Variants in SLCO2B1 observed in about 807,000 individuals in gnomAD.
The protein encoded by SLCO2B1 is OATP-RP2.
Under a neutral mutation model 67.3 loss-of-function variants are expected in SLCO2B1, and 41 were observed. That is an observed-to-expected ratio of 0.61 (90% confidence interval 0.47 to 0.79). The LOEUF (loss-of-function observed/expected upper bound fraction) is 0.79. Ranked by LOEUF, SLCO2B1 falls within the 30% of genes least tolerant of loss-of-function variation. SLCO2B1 has a pLI of 0.00. For missense variants in SLCO2B1, 837 were observed against 920.1 expected (o/e 0.91, Z 1.17); for synonymous variants, 379 against 381.4 (o/e 0.99, Z 0.07).
intron 9 of SLCO2B1, among the ~76,000 whole-genome samples, chr11:75,196,099 C>T (rs565371211): frequency 7.9e-5 from 12 of 152,300 alleles, no homozygotes; most frequent in African/African-American, 1.7e-4. Context: ...GGAGATCCCA[C>T]GGGTGGTCAG....
chr11:75,172,844 G>C (rs137872961), intron 7 of SLCO2B1, among the ~76,000 whole-genome samples: 1 of 151,854 alleles, frequency 6.6e-6, no homozygotes, highest in South Asian at 2.1e-4. Flanking sequence ...CAGAAGAATC[G>C]CTTGAACCTG....
At chr11:75,169,845 C>A in intron 6 of SLCO2B1, 81 bp downstream of exon 6, 2 of 1,158,564 alleles carry the variant, frequency 1.7e-6, no homozygotes, top group South Asian at 1.3e-5. Flanking sequence ...CAGGGGACCT[C>A]GGTTCAAATC....
Position 75,166,045 on chromosome 11 carries a change from C to T in SLCO2B1, c.448+96C>T, listed in dbSNP as rs535514032. 6.4e-6 allele frequency: 9 copies of T among 1,416,572 alleles called. No homozygotes were observed. The Admixed American group carries it at 1.4e-4, about 22-fold the overall frequency. 87.8% of individuals were successfully genotyped at this position (1,416,572 alleles called of 1,614,324 possible). A position where few individuals can be genotyped will look rare whatever the true frequency, so the allele number is the denominator to read the frequency against. On this transcript the variant is annotated intron_variant, in intron 4 of 13. Transcript: ENST00000289575. ...ACAGGCATTCATCTGGCAGGATACA[C>T]CCCAAAACCTCAACACCCCAGGACA...
At chr11:75,188,960 T>A (rs1944978410) in intron 8 of SLCO2B1, among the ~76,000 whole-genome samples, 2 of 152,266 alleles carry the variant, frequency 1.3e-5, no homozygotes. Context: ...TGGGAGGCCA[T>A]CGGGAAATTG....
chr11:75,157,632 A>T (rs1026307202), intron 1 of SLCO2B1, among the ~76,000 whole-genome samples: 8 of 152,082 alleles, frequency 5.3e-5, no homozygotes, highest in African/African-American at 7.2e-5. Flanking sequence ...AGGAAAAGAG[A>T]GCAAGGGCCA....
intron 7 of SLCO2B1, among the ~76,000 whole-genome samples, chr11:75,185,040 A>G (rs905221288): frequency 6.6e-6 from 1 of 152,210 alleles, no homozygotes; most frequent in Non-Finnish European, 1.5e-5. Flanking sequence ...GAAAGGGAAA[A>G]AAAGTCCAAG....
chr11:75,158,719 CAGAA>C (rs1310491870), intron 1 of SLCO2B1, among the ~76,000 whole-genome samples: 2 of 152,194 alleles, frequency 1.3e-5, no homozygotes, highest in Non-Finnish European at 2.9e-5. Flanking sequence ...AACTGAGGCT[CAGAA>C]AGCTCAGGGA....
Position 75,169,315 on chromosome 11 carries a change from C to G in SLCO2B1, c.591C>G (p.Thr197=). 6.2e-7 allele frequency: 1 copy of G among 1,614,152 alleles called. No homozygotes were observed. Among genetic ancestry groups the G allele is most frequent in the Non-Finnish European group, 8.5e-7 (1 of 1,180,012 alleles). ...SVVGIMFVAQ[T]LLGVGGVPIQ... is the part of the protein sequence containing the mutation. ...TGGGGATCATGTTCGTGGCACAGAC[C>G]CTGCTGGGCGTGGGCGGGGTGCCCA... The change falls in exon 5 of 14, where the codon ACC becomes ACG. Residue 197 remains threonine, a synonymous_variant. Coordinates refer to ENST00000289575, the MANE Select transcript of SLCO2B1 (RefSeq NM_007256.5).
intron 4 of SLCO2B1, among the ~76,000 whole-genome samples, chr11:75,167,920 G>C (rs1365465886): frequency 1.4e-5 from 2 of 144,562 alleles, no homozygotes; most frequent in Non-Finnish European, 3.0e-5. Context: ...TTGAGATGGA[G>C]TATCACTCTG....
chr11:75,172,817 T>C (rs1303195809), intron 7 of SLCO2B1, among the ~76,000 whole-genome samples: 1 of 151,940 alleles, frequency 6.6e-6, no homozygotes. Context: ...TAGTCCCAGC[T>C]ACTCAGGAGG....
intron 7 of SLCO2B1, among the ~76,000 whole-genome samples, chr11:75,182,122 C>T (rs7104200): frequency 0.038 from 5,710 of 152,260 alleles, 369 homozygotes; most frequent in African/African-American, 0.13. Flanking sequence ...CCTCCACCAC[C>T]GTGCCTCTGC....
At chr11:75,165,707 T>C (rs1035386222) in intron 3 of SLCO2B1, 80 bp from the exon 4 acceptor site, 3 of 1,432,552 alleles carry the variant, frequency 2.1e-6, no homozygotes, top group Admixed American at 1.9e-5. Flanking sequence ...ATACGGAAGT[T>C]AGACATAGAG....
chr11:75,175,738 G>C (rs1950015507), intron 7 of SLCO2B1, among the ~76,000 whole-genome samples: 1 of 152,190 alleles, frequency 6.6e-6, no homozygotes. Context: ...CAGGGGAAAA[G>C]AGGGGTGCAT....
intron 1 of SLCO2B1, among the ~76,000 whole-genome samples, chr11:75,153,714 G>T (rs1165781325): frequency 6.6e-6 from 1 of 152,188 alleles, no homozygotes; most frequent in Admixed American, 6.5e-5. Flanking sequence ...AGGAGCGGGG[G>T]TCACTGGGCA....
intron 7 of SLCO2B1, among the ~76,000 whole-genome samples, chr11:75,185,393 G>A (rs564488040): frequency 6.6e-6 from 1 of 152,120 alleles, no homozygotes; most frequent in South Asian, 2.1e-4. Context: ...TGGCATCCTG[G>A]CCCTGGACGT....
intron 2 of SLCO2B1, among the ~76,000 whole-genome samples, chr11:75,163,553 G>A (rs1949849376): frequency 6.6e-6 from 1 of 152,034 alleles, no homozygotes; most frequent in Non-Finnish European, 1.5e-5. Context: ...GCCCAGCCAA[G>A]GGGGGCTCTG....
chr11:75,198,733 G>A lies in SLCO2B1; in HGVS notation c.1600-1491G>A, dbSNP rs946698894. On this transcript the variant is annotated intron_variant, in intron 10 of 13. Transcript: ENST00000289575. ...CGTGTCTTGACATGTCTGCCTCCTT[G>A]GATTGTGAACATCTTGGCTCAGGGA... Among the ~76,000 whole-genome samples the A allele has an allele frequency of 2.0e-5, 3 of 152,310 alleles. No individual in the cohort carries two copies. The East Asian group carries it at 5.8e-4, about 29-fold the overall frequency.
At chr11:75,155,174 A>T (rs1416586185) in intron 1 of SLCO2B1, among the ~76,000 whole-genome samples, 3 of 152,088 alleles carry the variant, frequency 2.0e-5, no homozygotes, top group Admixed American at 6.5e-5. Context: ...AGTCTCACAA[A>T]GCTGGACCTC....
At chr11:75,170,008 G>A (rs1243283266) in intron 6 of SLCO2B1, 1 of 494,286 alleles carries the variant, frequency 2.0e-6, no homozygotes, top group Non-Finnish European at 3.6e-6. Flanking sequence ...CATCAAATTA[G>A]GAACCATGGT....
Sources: gnomAD v4.1 joint callset for allele counts (sites outside exome capture counted in the v4.1 genomes callset) on GRCh38, gnomAD v4.1.1 for gene constraint, MANE v1.5 for transcripts, NCBI Gene and HGNC (gene_info 2026-07-23, HGNC 2026-07-21) for gene names.